FREM2: variants seen among roughly 807,000 people sequenced by gnomAD.
The protein encoded by FREM2 is FRAS1 related extracellular matrix 2.
In FREM2, 119 loss-of-function variants were observed where a neutral mutation model predicts 219.9. The ratio of observed to expected loss-of-function variants is 0.54; its 90% confidence interval spans 0.47 to 0.63. The LOEUF (loss-of-function observed/expected upper bound fraction) is 0.63, where lower values mean the gene tolerates loss of function less well. FREM2 is among the 30% of genes least tolerant of loss of function. The probability of loss-of-function intolerance (pLI) is 0.00; values close to 1 mark genes in which losing one functional copy is unlikely to be tolerated. For synonymous variants in FREM2, 1,562 were observed against 1,522.8 expected, an observed-to-expected ratio of 1.03 and a Z score of -0.60; for missense variants, 4,030 against 3,993.6, an observed-to-expected ratio of 1.01 and a Z score of -0.25.
rs760256111 is a variant in FREM2 at position 38,687,795 on chromosome 13, G to A, written c.451G>A (p.Val151Ile). 1 of 1,538,764 alleles carries A rather than the reference G, an allele frequency of 6.5e-7. No homozygotes were observed. The highest frequency in any genetic ancestry group is 8.8e-7 in the Non-Finnish European group (1 of 1,138,578). ...LGARSPSRDR[V>I]RLQLRYDAPG... is the part of the protein sequence containing the mutation. ...CGCGCGCAGCCCGTCTCGGGACCGC[G>A]TCCGGCTGCAGCTGCGCTATGACGC... is the stretch of plus-strand genomic sequence containing the variant. Residue 151 changes from valine to isoleucine, a missense_variant, in exon 1 of 24, where the codon GTC becomes ATC. Transcript: ENST00000280481.
rs143148419 is a variant in FREM2, at chr13:38,688,632, G to A, written c.1288G>A (p.Val430Met). The change falls in exon 1 of 24, where the codon GTG (valine) becomes ATG (methionine). Residue 430 changes from valine to methionine, a missense_variant. Val to Met is a conservative substitution (Grantham distance 21). This residue lies in a region of FREM2 where 3,102 missense variants were observed against 2,950.7 expected (regional missense o/e 1.05). Transcript: ENST00000280481. Reference protein sequence around the residue: ...AASDPFAFMVVVKPMNTMAPV... With the variant: ...AASDPFAFMVMVKPMNTMAPV... Reference sequence around the variant, plus strand: ...TTCAGACCCTTTTGCCTTCATGGTAGTGGTGAAGCCCATGAACACAATGGC... The same window carrying A: ...TTCAGACCCTTTTGCCTTCATGGTAATGGTGAAGCCCATGAACACAATGGC... 41 of 1,614,000 alleles carry A rather than the reference G, an allele frequency of 2.5e-5. No individual in the cohort carries two copies. The African/African-American group carries it at 5.2e-4, about 20-fold the overall frequency.
At position 38,823,051 on chromosome 13, in the gene FREM2, T is replaced by G. The variant is rs1876129766; in HGVS notation, c.6020-23522T>G. On this transcript the variant is annotated intron_variant, in intron 6 of 23. Transcript: ENST00000280481. ...AAATCAGGAGAAAAACTCAATAGAT[T>G]AGAACACTTAGTCCTTGCCCTACCC... 2.0e-5 allele frequency among the ~76,000 whole-genome samples: 3 copies of G among 152,118 alleles called. No homozygotes were observed. The South Asian group carries it at 6.2e-4, about 32-fold the overall frequency.
intron 3 of FREM2, among the ~76,000 whole-genome samples, chr13:38,769,251 G>A (rs745958639): frequency 6.6e-6 from 1 of 152,144 alleles, no homozygotes; most frequent in Non-Finnish European, 1.5e-5. Flanking sequence ...TTTTAAGATT[G>A]TATAACTTGT....
chr13:38,738,542 G>C (rs1872093154), intron 2 of FREM2, among the ~76,000 whole-genome samples: 1 of 139,538 alleles, frequency 7.2e-6, no homozygotes. Flanking sequence ...CTCCAGCCTG[G>C]GCAACAGAGT....
intron 16 of FREM2, among the ~76,000 whole-genome samples, chr13:38,871,446 G>A (rs1010366531): frequency 1.3e-5 from 2 of 152,178 alleles, no homozygotes; most frequent in African/African-American, 4.8e-5. Flanking sequence ...GAAGAGGCTA[G>A]TTGTATTTGT....
rs554185024 is a variant in FREM2 at position 38,749,486 on chromosome 13, A to G, written c.5264-14818A>G. On this transcript the variant is annotated intron_variant, in intron 2 of 23. Coordinates refer to ENST00000280481, the MANE Select transcript of FREM2 (RefSeq NM_207361.6). ...AGATCATATGTTCATGTTAGGTTAT[A>G]AATGTTGATATATCACAATATAACA... is the stretch of plus-strand genomic sequence containing the variant. 2.6e-5 allele frequency among the ~76,000 whole-genome samples: 4 copies of G among 152,356 alleles called. No individual in the cohort carries two copies. The South Asian group carries it at 6.2e-4, about 24-fold the overall frequency.
chr13:38,712,673 CACAA>C (rs1870828519), intron 2 of FREM2, among the ~76,000 whole-genome samples: 1 of 132,316 alleles, frequency 7.6e-6, no homozygotes, highest in Non-Finnish European at 1.7e-5. Context: ...CACACACACA[CACAA>C]ACACACACAC....
At position 38,687,102 on chromosome 13, in the gene FREM2, C is replaced by G. The variant is rs1042204353; in HGVS notation, c.-243C>G. 5.1e-6 allele frequency: 3 copies of G among 589,960 alleles called. No homozygotes were observed. In the East Asian group the frequency reaches 8.5e-5, roughly 17 times the overall value. 36.5% of individuals were successfully genotyped at this position (589,960 alleles called of 1,614,324 possible). A position where few individuals can be genotyped will look rare whatever the true frequency, so the allele number is the denominator to read the frequency against. ...AGAAGTGGAGGGATTCAATTCTCCG[C>G]GCGATTGAGGCGCTAGCGGCGGAGC... On this transcript the variant is annotated 5_prime_UTR_variant, in exon 1 of 24. Coordinates refer to ENST00000280481, the MANE Select transcript of FREM2 (RefSeq NM_207361.6).
chr13:38,769,048 G>A (rs551193352), intron 3 of FREM2, among the ~76,000 whole-genome samples: 20 of 152,156 alleles, frequency 1.3e-4, no homozygotes, highest in South Asian at 6.2e-4. Flanking sequence ...TTTTTTAAAG[G>A]ATCTTAGTTC....
At chr13:38,705,421 A>G (rs905244936) in intron 2 of FREM2, among the ~76,000 whole-genome samples, 2 of 152,198 alleles carry the variant, frequency 1.3e-5, no homozygotes. Flanking sequence ...ATTAATTATG[A>G]GACCTCTTAC....
Position 38,886,706 on chromosome 13 carries a change from G to A in FREM2, c.*5919G>A, listed in dbSNP as rs1047991509. ...TGAGCCACCACAAGATATTTTTAAA[G>A]CCCATTTGTCTATAAAAGAAAACTC... On this transcript the variant is annotated 3_prime_UTR_variant, in exon 24 of 24. Transcript: ENST00000280481. 9.2e-5 allele frequency: 14 copies of A among 152,098 alleles called. No homozygotes were observed. The highest frequency in any genetic ancestry group is 7.2e-4 in the Admixed American group (11 of 15,244). 9.4% of individuals were successfully genotyped at this position (152,098 alleles called of 1,614,324 possible). A position where few individuals can be genotyped will look rare whatever the true frequency, so the allele number is the denominator to read the frequency against.
At position 38,690,688 on chromosome 13, in the gene FREM2, T is replaced by C. The variant is rs756505856; in HGVS notation, c.3344T>C (p.Val1115Ala). 1.9e-6 allele frequency: 3 copies of C among 1,614,014 alleles called. No homozygotes were observed. The highest frequency in any genetic ancestry group is 2.2e-5 in the East Asian group (1 of 44,888). Residue 1115 changes from valine to alanine, a missense_variant, in exon 1 of 24, where the codon GTT (valine) becomes GCT (alanine). Around this residue, in one of 2 missense-constraint regions of FREM2, gnomAD observed 3,102 missense variants for 2,950.7 expected, o/e 1.05. Coordinates refer to ENST00000280481, the MANE Select transcript of FREM2 (RefSeq NM_207361.6). ...GTTATTCAGCCTACTTCAGGTTATG[T>C]TGAAAACATTTCTCCAGCACCAGGC... ...TIVIQPTSGY[V>A]ENISPAPGSE... is the part of the protein sequence containing the mutation.
chr13:38,789,814 T>G (rs898358878), intron 6 of FREM2, among the ~76,000 whole-genome samples: 1 of 150,382 alleles, frequency 6.6e-6, no homozygotes, highest in Admixed American at 6.6e-5. Context: ...TTTTATATAT[T>G]TAATAATTTA....
chr13:38,859,259 TC>T, intron 13 of FREM2, 27 bp from the exon 14 acceptor site: 1 of 1,611,056 alleles, frequency 6.2e-7, no homozygotes, highest in Non-Finnish European at 8.5e-7. Context: ...TACACTCTGT[TC>T]CTAACACAGT....
Position 38,876,163 on chromosome 13 carries a change from A to T in FREM2, c.8409+14A>T, listed in dbSNP as rs1878332856. On this transcript the variant is annotated intron_variant, in intron 19 of 23. Transcript: ENST00000280481. ...TCTGACTTTGCCGTAAGTGACTAAG[A>T]CTCTTAATTAATTTTCTTCTGCTGC... 1 of 1,613,770 alleles carries T rather than the reference A, an allele frequency of 6.2e-7. No homozygotes were observed. Among genetic ancestry groups the T allele is most frequent in the Non-Finnish European group, 8.5e-7 (1 of 1,179,986 alleles).
Position 38,878,713 on chromosome 13 carries a change from C to T in FREM2, c.8860-118C>T, listed in dbSNP as rs1377171620. 4.0e-5 allele frequency: 43 copies of T among 1,081,290 alleles called. No homozygotes were observed. The Middle Eastern group carries it at 8.0e-4, about 20-fold the overall frequency. 67.0% of individuals were successfully genotyped at this position (1,081,290 alleles called of 1,614,324 possible). A position where few individuals can be genotyped will look rare whatever the true frequency, so the allele number is the denominator to read the frequency against. ...CAACAAAATGATCATTTTTAGTAAA[C>T]CAAATGGTGACATTTTATAGTAATT... is the stretch of plus-strand genomic sequence containing the variant. On this transcript the variant is annotated intron_variant, in intron 22 of 23. Transcript: ENST00000280481.
At chr13:38,867,126 C>T (rs1351114542) in intron 16 of FREM2, among the ~76,000 whole-genome samples, 5 of 152,150 alleles carry the variant, frequency 3.3e-5, no homozygotes, top group African/African-American at 1.2e-4. Flanking sequence ...AGTCCTACTC[C>T]ATTAGGTGAA....
intron 2 of FREM2, among the ~76,000 whole-genome samples, chr13:38,749,981 G>A (rs1872670608): frequency 6.6e-6 from 1 of 152,040 alleles, no homozygotes; most frequent in African/African-American, 2.4e-5. Context: ...GAAAAATTTT[G>A]TCACACTGAT....
chr13:38,869,020 G>A (rs902796817), intron 16 of FREM2, among the ~76,000 whole-genome samples: 1 of 152,176 alleles, frequency 6.6e-6, no homozygotes, highest in Non-Finnish European at 1.5e-5. Context: ...CAGGCCAAGC[G>A]CCTAGCAGAC....
Sources: gnomAD v4.1 joint callset for allele counts (sites outside exome capture counted in the v4.1 genomes callset) on GRCh38, gnomAD v4.1.1 for gene constraint, gnomAD v4.1.1 regional missense constraint, MANE v1.5 for transcripts, NCBI Gene and HGNC (gene_info 2026-07-23, HGNC 2026-07-21) for gene names.